The following CNTN5 variants were observed in gnomAD, a reference collection of about 807,000 sequenced individuals.
The protein encoded by CNTN5 is contactin-5.
Under a neutral mutation model 129.1 loss-of-function variants are expected in CNTN5, and 77 were observed. The ratio of observed to expected loss-of-function variants is 0.60; its 90% confidence interval spans 0.50 to 0.72. The LOEUF (loss-of-function observed/expected upper bound fraction) is 0.72. Ranked by LOEUF, CNTN5 falls within the 30% of genes least tolerant of loss-of-function variation. CNTN5 has a pLI of 0.00. For missense variants in CNTN5, 1,478 were observed against 1,328.8 expected, an observed-to-expected ratio of 1.11 and a Z score of -1.75; for synonymous variants, 509 against 465.6, an observed-to-expected ratio of 1.09 and a Z score of -1.20.
Position 99,541,973 on chromosome 11 carries a change from A to G in CNTN5, c.-70-14172A>G, listed in dbSNP as rs914304005. Among the ~76,000 whole-genome samples, 26 of 120,674 alleles carry G rather than the reference A, an allele frequency of 2.2e-4. No homozygotes were observed. In the East Asian group the frequency reaches 3.5e-3, roughly 16 times the overall value. 79.2% of individuals were successfully genotyped at this position (120,674 alleles called of 152,430 possible). On this transcript the variant is annotated intron_variant, in intron 2 of 24. Coordinates refer to ENST00000524871, the MANE Select transcript of CNTN5 (RefSeq NM_014361.4). ...TCTTGTCTCAAAAAAAAAAAAAAAA[A>G]AAAAAAGAAAAGAAAAGAAAGAAAT...
chr11:99,341,067 T>C lies in CNTN5; in HGVS notation c.-71+15583T>C, dbSNP rs1056428399. 9.2e-5 allele frequency among the ~76,000 whole-genome samples: 14 copies of C among 152,316 alleles called. No individual in the cohort carries two copies. In the East Asian group the frequency reaches 2.5e-3, roughly 27 times the overall value. On this transcript the variant is annotated intron_variant, in intron 2 of 24. Transcript: ENST00000524871. ...CATTTGCTGGCAAATTTTATTATTA[T>C]GTTTGCATCTCATACCTTTTGTAAA... is the stretch of plus-strand genomic sequence containing the variant.
At chr11:100,113,787 G>A (rs1487823072) in intron 13 of CNTN5, among the ~76,000 whole-genome samples, 5 of 151,798 alleles carry the variant, frequency 3.3e-5, no homozygotes, top group African/African-American at 1.2e-4. Context: ...TACCTTCTTG[G>A]TAAACTATCA....
At chr11:99,074,260 T>A (rs556050194) in intron 1 of CNTN5, among the ~76,000 whole-genome samples, 3 of 152,154 alleles carry the variant, frequency 2.0e-5, no homozygotes, top group Non-Finnish European at 4.4e-5. Context: ...AAGTTCCTTG[T>A]AGATTCTGGA....
chr11:99,152,960 A>C (rs7937868), intron 1 of CNTN5, among the ~76,000 whole-genome samples: 138,318 of 152,236 alleles, frequency 0.91, 63,101 homozygotes, highest in East Asian at 0.99. Context: ...ATAAATGCTG[A>C]ATCTAGGCCT....
Position 100,002,248 on chromosome 11 carries a change from G to A in CNTN5, c.980+112G>A, listed in dbSNP as rs1395042490. On this transcript the variant is annotated intron_variant, in intron 9 of 24. Coordinates refer to ENST00000524871, the MANE Select transcript of CNTN5 (RefSeq NM_014361.4). The stretch of plus-strand genomic sequence containing the variant: ...TCATTTCCCCAGTTGTTCCATGGTG[G>A]CTATTTATTTTCTAAAAGAAGGTCA... 11 of 621,484 alleles carry A rather than the reference G, an allele frequency of 1.8e-5. No homozygotes were observed. The East Asian group carries it at 2.4e-4, about 13-fold the overall frequency. 38.5% of individuals were successfully genotyped at this position (621,484 alleles called of 1,614,324 possible).
At chr11:99,672,499 G>C (rs185973708) in intron 3 of CNTN5, among the ~76,000 whole-genome samples, 1 of 151,784 alleles carries the variant, frequency 6.6e-6, no homozygotes, top group Admixed American at 6.6e-5. Flanking sequence ...TTACTTCTCT[G>C]ATATGCACCC....
chr11:99,749,597 A>G (rs1300115732), intron 3 of CNTN5, among the ~76,000 whole-genome samples: 1 of 152,212 alleles, frequency 6.6e-6, no homozygotes, highest in African/African-American at 2.4e-5. Flanking sequence ...GAATACTTTC[A>G]GTTTGAGTCT....
chr11:99,819,803 G>A (rs1236982704), intron 4 of CNTN5, 38 bp downstream of exon 4: 4 of 605,744 alleles, frequency 6.6e-6, no homozygotes, highest in Non-Finnish European at 6.1e-6. Context: ...ATAGAATAAA[G>A]GAGGCAAAGA....
chr11:100,021,493 T>C (rs1432452993), intron 9 of CNTN5, among the ~76,000 whole-genome samples: 1 of 152,196 alleles, frequency 6.6e-6, no homozygotes, highest in African/African-American at 2.4e-5. Context: ...TGAATCTCTA[T>C]TATATAGTGT....
intron 2 of CNTN5, among the ~76,000 whole-genome samples, chr11:99,339,113 G>A (rs893902932): frequency 2.0e-5 from 3 of 151,062 alleles, no homozygotes; most frequent in African/African-American, 7.3e-5. Context: ...ATTTCACATT[G>A]CATGCCTATA....
At position 100,255,759 on chromosome 11, in the gene CNTN5, G is replaced by C; in HGVS notation, c.2006-1G>C. 1.9e-6 allele frequency: 3 copies of C among 1,613,034 alleles called. No individual in the cohort carries two copies. Among genetic ancestry groups the C allele is most frequent in the Non-Finnish European group, 2.5e-6 (3 of 1,179,320 alleles). ...CTTTATCCATTGCCTTTGACCTATAGGACCCCCAGGCCCACCTGGGATAGT... is the reference window on the plus strand; with the variant it reads ...CTTTATCCATTGCCTTTGACCTATACGACCCCCAGGCCCACCTGGGATAGT... On this transcript the variant is annotated splice_acceptor_variant, in intron 16 of 24. Transcript: ENST00000524871. LOFTEE classifies it high-confidence loss of function.
rs1591108613 is a variant in CNTN5 at position 99,466,162 on chromosome 11, T to G, written c.-70-89983T>G. Reference sequence around the variant, plus strand: ...CTCCCAAAGTGCTGGGATTACAGGCTTGAGCCACTGTGCCCGGCTGATGTC... The same window carrying G: ...CTCCCAAAGTGCTGGGATTACAGGCGTGAGCCACTGTGCCCGGCTGATGTC... On this transcript the variant is annotated intron_variant, in intron 2 of 24. Transcript: ENST00000524871. 5.9e-5 allele frequency among the ~76,000 whole-genome samples: 9 copies of G among 152,148 alleles called. No homozygotes were observed. In the South Asian group the frequency reaches 1.9e-3, roughly 32 times the overall value.
intron 1 of CNTN5, among the ~76,000 whole-genome samples, chr11:99,145,222 A>G (rs901895776): frequency 6.6e-6 from 1 of 152,068 alleles, no homozygotes; most frequent in Non-Finnish European, 1.5e-5. Context: ...AGCATGAGCA[A>G]CCATGCCTGG....
At chr11:100,294,407 T>C (rs1208888390) in intron 18 of CNTN5, among the ~76,000 whole-genome samples, 7 of 151,720 alleles carry the variant, frequency 4.6e-5, no homozygotes, top group Non-Finnish European at 8.9e-5. Flanking sequence ...TATTTCAACA[T>C]GCCAGGTAAG....
intron 3 of CNTN5, among the ~76,000 whole-genome samples, chr11:99,815,068 T>C (rs1032522763): frequency 6.6e-6 from 1 of 152,116 alleles, no homozygotes; most frequent in African/African-American, 2.4e-5. Flanking sequence ...TTACCTCCGT[T>C]TGGTTTCTGC....
intron 2 of CNTN5, among the ~76,000 whole-genome samples, chr11:99,441,877 C>T (rs1252632336): frequency 1.3e-5 from 2 of 152,050 alleles, no homozygotes; most frequent in Admixed American, 6.6e-5. Context: ...TGACTCCATG[C>T]GTTTCCATCA....
At chr11:100,009,902 G>T (rs1177451461) in intron 9 of CNTN5, among the ~76,000 whole-genome samples, 1 of 152,188 alleles carries the variant, frequency 6.6e-6, no homozygotes, top group Non-Finnish European at 1.5e-5. Flanking sequence ...CCTTTTGGCA[G>T]TGACATTATT....
In CNTN5 at chr11:99,083,031, TAA is replaced by T. The variant is rs34634460; in HGVS notation, c.-210+61763_-210+61764del. Among the ~76,000 whole-genome samples the T allele has an allele frequency of 5.7e-5, 7 of 123,736 alleles. No homozygotes were observed. In the Admixed American group the frequency reaches 6.1e-4, roughly 11 times the overall value. 81.2% of individuals were successfully genotyped at this position (123,736 alleles called of 152,430 possible). ...TTCCAAAATATTACAATAAATGATT[TAA>T]ACACACACACACACACACACACACG... is the stretch of plus-strand genomic sequence containing the variant. On this transcript the variant is annotated intron_variant, in intron 1 of 24. Coordinates refer to ENST00000524871, the MANE Select transcript of CNTN5 (RefSeq NM_014361.4).
rs138154907 is a variant in CNTN5 at position 99,598,801 on chromosome 11, T to A, written c.55+42532T>A. On this transcript the variant is annotated intron_variant, in intron 3 of 24. Coordinates refer to ENST00000524871, the MANE Select transcript of CNTN5 (RefSeq NM_014361.4). ...ATATTACTGTGGAACTTTAGGACTTTTACAGTAGGGAATAATTTATATTTT... is the reference window on the plus strand; with the variant it reads ...ATATTACTGTGGAACTTTAGGACTTATACAGTAGGGAATAATTTATATTTT... Among the ~76,000 whole-genome samples the A allele has an allele frequency of 2.1e-3, 323 of 152,062 alleles. 1 individual carries two copies. The highest frequency in any genetic ancestry group is 7.4e-3 in the African/African-American group (309 of 41,502).
Sources: allele counts gnomAD v4.1 joint callset (sites outside exome capture counted in the v4.1 genomes callset), GRCh38; gene constraint gnomAD v4.1.1; transcripts MANE v1.5; gene names NCBI Gene and HGNC (gene_info 2026-07-23, HGNC 2026-07-21).